Variants in MEP1B observed in about 807,000 individuals in gnomAD.
MEP1B encodes meprin A subunit beta.
A neutral mutation model predicts 84.6 loss-of-function variants in MEP1B; 80 were observed. The observed-to-expected ratio is 0.95, with a 90% confidence interval of 0.79 to 1.14. The LOEUF (loss-of-function observed/expected upper bound fraction) is 1.14. MEP1B is among the 50% of genes most tolerant of loss of function. The probability of loss-of-function intolerance (pLI) is 0.00; values close to 1 mark genes in which losing one functional copy is unlikely to be tolerated. For missense variants in MEP1B, 766 were observed against 855.1 expected (o/e 0.90, Z 1.30); for synonymous variants, 273 against 288.1 (o/e 0.95, Z 0.53).
intron 7 of MEP1B, among the ~76,000 whole-genome samples, chr18:32,206,315 T>A (rs1227543064): frequency 6.6e-6 from 1 of 152,200 alleles, no homozygotes; most frequent in African/African-American, 2.4e-5. Context: ...AAAGTTATCA[T>A]TCCCAGGTTT....
intron 5 of MEP1B, among the ~76,000 whole-genome samples, chr18:32,197,666 T>C (rs961842746): frequency 2.0e-5 from 3 of 152,206 alleles, no homozygotes; most frequent in African/African-American, 7.2e-5. Context: ...GTGATCTGCC[T>C]GCCTTGGCTT....
chr18:32,208,800 C>A (rs778934880), intron 9 of MEP1B, among the ~76,000 whole-genome samples: 1 of 152,158 alleles, frequency 6.6e-6, no homozygotes, highest in Non-Finnish European at 1.5e-5. Context: ...CAAATTTTTA[C>A]GTATTTGCTT....
At chr18:32,215,889 C>T (rs2041081982) in intron 12 of MEP1B, among the ~76,000 whole-genome samples, 1 of 151,468 alleles carries the variant, frequency 6.6e-6, no homozygotes, top group African/African-American at 2.4e-5. Flanking sequence ...ATAAAAATAT[C>T]ACACAAGCAC....
chr18:32,208,614 T>C (rs1017038921), intron 9 of MEP1B, among the ~76,000 whole-genome samples: 3 of 152,218 alleles, frequency 2.0e-5, no homozygotes, highest in Non-Finnish European at 2.9e-5. Context: ...CAAGAGACTC[T>C]TTCCAATGGA....
Position 32,196,151 on chromosome 18 carries a change from C to T in MEP1B, c.250+666C>T, listed in dbSNP as rs2040851630. On this transcript the variant is annotated intron_variant, in intron 5 of 14. Coordinates refer to ENST00000269202, the MANE Select transcript of MEP1B (RefSeq NM_005925.3). This position sits in a 1 kb window ranked among gnomAD's most constrained non-coding sequence, Gnocchi z 4.4. The stretch of plus-strand genomic sequence containing the variant: ...TTGGCCTCATCCCTGTTTCTGCTGG[C>T]CTTCTGGAGCTGGTGTCACTGCGCC... The T allele has an allele frequency of 1.7e-6, 1 of 585,574 alleles. No homozygotes were observed. Among genetic ancestry groups the T allele is most frequent in the Non-Finnish European group, 3.2e-6 (1 of 314,290 alleles). 36.3% of individuals were successfully genotyped at this position (585,574 alleles called of 1,614,324 possible). A position where few individuals can be genotyped will look rare whatever the true frequency, so the allele number is the denominator to read the frequency against.
In MEP1B at chr18:32,217,968, A is replaced by G. The variant is rs781599883; in HGVS notation, c.2091+3A>G. On this transcript the variant is annotated splice_donor_region_variant and intron_variant, in intron 14 of 14. Coordinates refer to ENST00000269202, the MANE Select transcript of MEP1B (RefSeq NM_005925.3). Reference sequence around the variant, plus strand: ...GACCAAATTTGACTCCGCAAAATGTAAGTTGAGGCTGATGTTTGATTATTC... The same window carrying G: ...GACCAAATTTGACTCCGCAAAATGTGAGTTGAGGCTGATGTTTGATTATTC... 5.6e-6 allele frequency: 9 copies of G among 1,613,464 alleles called. No individual in the cohort carries two copies. Among genetic ancestry groups the G allele is most frequent in the Non-Finnish European group, 7.6e-6 (9 of 1,179,610 alleles).
At chr18:32,190,940 A>G (rs894645610) in intron 1 of MEP1B, among the ~76,000 whole-genome samples, 5 of 152,146 alleles carry the variant, frequency 3.3e-5, no homozygotes, top group Non-Finnish European at 7.4e-5. Context: ...TCTAGTATTT[A>G]GATATGTAAG....
At chr18:32,219,318 T>C (rs1338081930) in intron 14 of MEP1B, among the ~76,000 whole-genome samples, 1 of 152,218 alleles carries the variant, frequency 6.6e-6, no homozygotes, top group African/African-American at 2.4e-5. Flanking sequence ...GGAAGATGTT[T>C]AATGCTAATA....
At chr18:32,208,840 T>C (rs187876917) in intron 9 of MEP1B, among the ~76,000 whole-genome samples, 94 of 152,326 alleles carry the variant, frequency 6.2e-4, no homozygotes, top group African/African-American at 2.1e-3. Context: ...AAAACTAGAC[T>C]TCAGAACTTA....
chr18:32,206,190 C>T (rs1173485590), intron 7 of MEP1B, among the ~76,000 whole-genome samples: 1 of 151,828 alleles, frequency 6.6e-6, no homozygotes, highest in Non-Finnish European at 1.5e-5. Context: ...ACATGTTGGC[C>T]AGGCTGGTTC....
Position 32,215,148 on chromosome 18 carries a change from C to G in MEP1B, c.1646C>G (p.Thr549Ser). The change falls in exon 12 of 15, where the codon ACT becomes AGT. Residue 549 changes from threonine to serine, a missense_variant. Transcript: ENST00000269202. ...ACAGTGGCTTTGTTCTCTAATGGAA[C>G]TCAGTTTAGAAGAGGTGGGGGCTAT... The part of the protein sequence containing the change: ...VGTVALFSNG[T>S]QFRRGGGYGT... 1 of 1,609,988 alleles carries G rather than the reference C, an allele frequency of 6.2e-7. No homozygotes were observed. The highest frequency in any genetic ancestry group is 8.5e-7 in the Non-Finnish European group (1 of 1,177,502).
At chr18:32,220,172 T>C (rs1004131282) in intron 14 of MEP1B, 59 bp from the exon 15 acceptor site, 18 of 1,467,530 alleles carry the variant, frequency 1.2e-5, no homozygotes, top group South Asian at 2.4e-5. Context: ...TTATGATTCA[T>C]TTAAATAGCA....
intron 12 of MEP1B, among the ~76,000 whole-genome samples, chr18:32,216,558 A>G (rs2041091419): frequency 6.6e-6 from 1 of 152,208 alleles, no homozygotes; most frequent in South Asian, 2.1e-4. Flanking sequence ...AGTTGGTATC[A>G]GTGGCTTGTA....
At position 32,217,111 on chromosome 18, in the gene MEP1B, A is replaced by G; in HGVS notation, c.1880A>G (p.Glu627Gly). The change falls in exon 13 of 15, where the codon GAG becomes GGG. Residue 627 changes from glutamate (E) to glycine (G), a missense_variant. Glu to Gly is a moderately conservative substitution (Grantham distance 98, BLOSUM62 -2). Coordinates refer to ENST00000269202, the MANE Select transcript of MEP1B (RefSeq NM_005925.3). The stretch of plus-strand genomic sequence containing the variant: ...TGCACTGTTCGAGATGGCAAAGCTG[A>G]GTGCAGGTAAGGATGATTTGAAAGA... ...GVCTVRDGKAECRCQSGEDWW... is the reference protein window; with the variant it reads ...GVCTVRDGKAGCRCQSGEDWW... 5 of 1,613,496 alleles carry G rather than the reference A, an allele frequency of 3.1e-6. No homozygotes were observed. Among genetic ancestry groups the G allele is most frequent in the Non-Finnish European group, 4.2e-6 (5 of 1,179,702 alleles).
rs1233275253 is a variant in MEP1B, at chr18:32,213,557, C to T, written c.1577C>T (p.Thr526Ile). 1 of 1,601,920 alleles carries T rather than the reference C, an allele frequency of 6.2e-7. No homozygotes were observed. The highest frequency in any genetic ancestry group is 2.2e-5 in the East Asian group (1 of 44,778). The stretch of plus-strand genomic sequence containing the variant: ...ATAACTACAGACCCATTTATGACCA[C>T]CGGTTCGTAACTCATTTTCTTTATT... ...RSITTDPFMT[T>I]DNGNYFWDRP... The change falls in exon 11 of 15, where the codon ACC (threonine) becomes ATC (isoleucine). Residue 526 changes from threonine to isoleucine, a missense_variant and splice_region_variant. Thr to Ile is a moderately conservative substitution (Grantham distance 89, BLOSUM62 -1). Coordinates refer to ENST00000269202, the MANE Select transcript of MEP1B (RefSeq NM_005925.3).
At position 32,217,029 on chromosome 18, in the gene MEP1B, C is replaced by T; in HGVS notation, c.1798C>T (p.Pro600Ser). 6.2e-7 allele frequency: 1 copy of T among 1,613,978 alleles called. No homozygotes were observed. ...HLNSTQIQLT[P>S]APSVQDLCSK... ...CAACTCTACACAAATCCAGCTAACA[C>T]CAGCCCCTAGTGTTCAAGACCTCTG... The change falls in exon 13 of 15, where the codon CCA (proline) becomes TCA (serine). Residue 600 changes from proline (P) to serine (S), a missense_variant. Coordinates refer to ENST00000269202, the MANE Select transcript of MEP1B (RefSeq NM_005925.3).
intron 4 of MEP1B, among the ~76,000 whole-genome samples, chr18:32,193,111 G>A (rs1027174330): frequency 2.0e-5 from 3 of 152,050 alleles, no homozygotes; most frequent in African/African-American, 7.2e-5. Flanking sequence ...TATGACATTT[G>A]ATTTTAAAAT....
At chr18:32,207,222 T>A in intron 7 of MEP1B, 30 bp from the exon 8 acceptor site, 1 of 1,454,380 alleles carries the variant, frequency 6.9e-7, no homozygotes, top group Non-Finnish European at 9.6e-7. Flanking sequence ...TTTGTGAACA[T>A]CAAGTAAAGA....
In MEP1B at chr18:32,196,120, G is replaced by A; in HGVS notation, c.250+635G>A. On this transcript the variant is annotated intron_variant, in intron 5 of 14. Coordinates refer to ENST00000269202, the MANE Select transcript of MEP1B (RefSeq NM_005925.3). This position sits in a 1 kb window ranked among gnomAD's most constrained non-coding sequence, Gnocchi z 4.4. ...CGCTGGCTCGGGCTCGGTGGCCTTG[G>A]GCTCCTTGGCCTCATCCCTGTTTCT... 1.9e-6 allele frequency: 1 copy of A among 520,422 alleles called. No homozygotes were observed. The highest frequency in any genetic ancestry group is 3.5e-6 in the Non-Finnish European group (1 of 282,778). The allele number at this position is 520,422 out of a possible 1,614,324, so 32.2% of individuals were successfully genotyped here.
Sources: allele counts gnomAD v4.1 joint callset (sites outside exome capture counted in the v4.1 genomes callset), GRCh38; gene constraint gnomAD v4.1.1; non-coding constraint Gnocchi (gnomAD v3.1); transcripts MANE v1.5; gene names NCBI Gene and HGNC (gene_info 2026-07-23, HGNC 2026-07-21).